The following ARHGAP39 variants were observed in gnomAD, a reference collection of about 807,000 sequenced individuals.
The protein encoded by ARHGAP39 is rho GTPase-activating protein 39.
A neutral mutation model predicts 106.9 loss-of-function variants in ARHGAP39; 44 were observed. The ratio of observed to expected loss-of-function variants is 0.41; its 90% CI spans 0.32 to 0.53. ARHGAP39 has a LOEUF of 0.53. Among genes scored for constraint, ARHGAP39 ranks in the 20% least tolerant of loss-of-function variants. The pLI, the probability that ARHGAP39 is intolerant of heterozygous loss-of-function variation, is 0.21. For missense variants in ARHGAP39, 1,496 were observed against 1,577.3 expected, an observed-to-expected ratio of 0.95 and a Z score of 0.87; for synonymous variants, 768 against 693.2, an observed-to-expected ratio of 1.11 and a Z score of -1.69.
intron 1 of ARHGAP39, among the ~76,000 whole-genome samples, chr8:144,606,532 T>C (rs1820296875): frequency 6.6e-6 from 1 of 152,196 alleles, no homozygotes; most frequent in African/African-American, 2.4e-5. Flanking sequence ...GCATACAAAA[T>C]GCACGTGAAT....
chr8:144,572,015 T>C (rs1439399505), intron 3 of ARHGAP39, among the ~76,000 whole-genome samples: 1 of 152,232 alleles, frequency 6.6e-6, no homozygotes, highest in Non-Finnish European at 1.5e-5. Flanking sequence ...TCCATGCTCA[T>C]GGATAGGAAG....
chr8:144,681,443 C>T (rs939591702), intron 1 of ARHGAP39, among the ~76,000 whole-genome samples: 5 of 152,134 alleles, frequency 3.3e-5, no homozygotes, highest in Admixed American at 6.5e-5. Context: ...AACTGTGAGA[C>T]GGATCGCATA....
chr8:144,630,180 G>A (rs1821026231), intron 1 of ARHGAP39, among the ~76,000 whole-genome samples: 2 of 152,186 alleles, frequency 1.3e-5, no homozygotes, highest in Admixed American at 1.3e-4. Flanking sequence ...CCCAGCCCCA[G>A]CTAGGCCCCC....
At chr8:144,674,462 T>C (rs1379654616) in intron 1 of ARHGAP39, among the ~76,000 whole-genome samples, 1 of 152,206 alleles carries the variant, frequency 6.6e-6, no homozygotes, top group Non-Finnish European at 1.5e-5. Flanking sequence ...AGGGTTTTTA[T>C]GGGCTTCAGA....
chr8:144,547,948 C>A lies in ARHGAP39; in HGVS notation c.1138G>T (p.Glu380Ter). The change falls in exon 5 of 12, where the codon GAG (glutamate) becomes TAG (stop). Residue 380 changes from glutamate (E) to a stop codon, truncating the protein, a stop_gained. Transcript: ENST00000377307. LOFTEE classifies it high-confidence loss of function. This position sits in a 1 kb window ranked among gnomAD's most constrained non-coding sequence, Gnocchi z 5.2. ...CTGTACTCCAGGCTCAGGAAGCGCTCGGGACACTTCTGCTTGGTGAGCACC... is the reference window on the plus strand; with the variant it reads ...CTGTACTCCAGGCTCAGGAAGCGCTAGGGACACTTCTGCTTGGTGAGCACC... ...QLVLTKQKCP[E>*]RFLSLEYSPA... 6.3e-7 allele frequency: 1 copy of A among 1,598,722 alleles called. No individual in the cohort carries two copies. The highest frequency in any genetic ancestry group is 2.3e-5 in the East Asian group (1 of 44,048).
In ARHGAP39 at chr8:144,646,856, C is replaced by T. The variant is rs953234687; in HGVS notation, c.-82+38830G>A. ...ACCACACTTGCTGCAGACGAGGGTC[C>T]GGGACCAGACACGCCCAGAGGGCCC... On this transcript the variant is annotated intron_variant, in intron 1 of 11. Coordinates refer to ENST00000377307, the MANE Select transcript of ARHGAP39 (RefSeq NM_025251.3). The surrounding 1 kb of genome is among the most constrained non-coding windows in gnomAD (Gnocchi z 5.7). Among the ~76,000 whole-genome samples the T allele has an allele frequency of 4.6e-5, 7 of 152,104 alleles. No homozygotes were observed. Among genetic ancestry groups the T allele is most frequent in the South Asian group, 4.1e-4 (2 of 4,824 alleles).
Position 144,651,572 on chromosome 8 carries a change from A to G in ARHGAP39, c.-82+34114T>C, listed in dbSNP as rs568232552. The stretch of plus-strand genomic sequence containing the variant: ...TCAAAAATTAGCTGGGCATGGTAGC[A>G]CACACCTGTAATCTCAGCTACTTGG... On this transcript the variant is annotated intron_variant, in intron 1 of 11. Coordinates refer to ENST00000377307, the MANE Select transcript of ARHGAP39 (RefSeq NM_025251.3). Among the ~76,000 whole-genome samples, 5 of 152,078 alleles carry G rather than the reference A, an allele frequency of 3.3e-5. No homozygotes were observed. In the South Asian group the frequency reaches 1.0e-3, roughly 32 times the overall value.
At chr8:144,630,200 T>C (rs79136639) in intron 1 of ARHGAP39, among the ~76,000 whole-genome samples, 12,488 of 152,000 alleles carry the variant, frequency 0.082, 1,091 homozygotes, top group East Asian at 0.24. Context: ...CACCCGGCAC[T>C]GTCCAGCTCC....
rs1819166425 is a variant in ARHGAP39, at chr8:144,585,849, T to C, written c.81-4572A>G. On this transcript the variant is annotated intron_variant, in intron 2 of 11. Transcript: ENST00000377307. The surrounding 1 kb of genome is among the most constrained non-coding windows in gnomAD (Gnocchi z 4.6). ...TCACACAAATAAAAATGGCAACTGTTGAAAGGGGCTGGACGGGTGCCCTGC... is the reference window on the plus strand; with the variant it reads ...TCACACAAATAAAAATGGCAACTGTCGAAAGGGGCTGGACGGGTGCCCTGC... 6.6e-6 allele frequency among the ~76,000 whole-genome samples: 1 copy of C among 152,188 alleles called. No homozygotes were observed. Among genetic ancestry groups the C allele is most frequent in the Non-Finnish European group, 1.5e-5 (1 of 68,020 alleles).
chr8:144,568,333 CAAAA>C (rs34670018), intron 3 of ARHGAP39, among the ~76,000 whole-genome samples: 39 of 47,296 alleles, frequency 8.2e-4, no homozygotes, highest in African/African-American at 3.5e-3. Flanking sequence ...GACTCTGTCT[CAAAA>C]AAAAAAAAAA....
intron 1 of ARHGAP39, among the ~76,000 whole-genome samples, chr8:144,678,737 G>C (rs1373132475): frequency 1.3e-5 from 2 of 152,228 alleles, no homozygotes; most frequent in African/African-American, 4.8e-5. Context: ...TCCCCTCCTA[G>C]TTGGGACAAC....
At chr8:144,637,309 A>T (rs1365795447) in intron 1 of ARHGAP39, among the ~76,000 whole-genome samples, 2 of 151,860 alleles carry the variant, frequency 1.3e-5, no homozygotes, top group Admixed American at 1.3e-4. Context: ...TTTCTTTTGA[A>T]CCCTACAAAG....
chr8:144,610,478 G>A (rs551310732), intron 1 of ARHGAP39, among the ~76,000 whole-genome samples: 6 of 152,140 alleles, frequency 3.9e-5, no homozygotes, highest in Admixed American at 6.5e-5. Flanking sequence ...TTGGGAGGCC[G>A]AGGTGGGTGG....
chr8:144,550,545 G>C lies in ARHGAP39; in HGVS notation c.597-2056C>G, dbSNP rs565124288. On this transcript the variant is annotated intron_variant, in intron 4 of 11. Coordinates refer to ENST00000377307, the MANE Select transcript of ARHGAP39 (RefSeq NM_025251.3). ...ACAAGGCCACATTCCCCATTGCCTGGGGGGTTGGTGAGGCAAGGCCAGGAA... is the reference window on the plus strand; with the variant it reads ...ACAAGGCCACATTCCCCATTGCCTGCGGGGTTGGTGAGGCAAGGCCAGGAA... Among the ~76,000 whole-genome samples, 11 of 152,364 alleles carry C rather than the reference G, an allele frequency of 7.2e-5. No individual in the cohort carries two copies. The South Asian group carries it at 2.3e-3, about 32-fold the overall frequency.
intron 1 of ARHGAP39, among the ~76,000 whole-genome samples, chr8:144,618,772 G>A (rs1454901495): frequency 1.3e-5 from 2 of 152,230 alleles, no homozygotes; most frequent in African/African-American, 4.8e-5. Flanking sequence ...GGCTTCCTGG[G>A]AGCAAGTCCT....
chr8:144,654,829 G>T (rs1039052782), intron 1 of ARHGAP39, among the ~76,000 whole-genome samples: 8 of 151,858 alleles, frequency 5.3e-5, no homozygotes, highest in Non-Finnish European at 1.5e-5. Context: ...TTCTTGGGTG[G>T]CTGGGAGCAG....
At chr8:144,630,834 GAAGT>G (rs770026931) in intron 1 of ARHGAP39, among the ~76,000 whole-genome samples, 1 of 152,276 alleles carries the variant, frequency 6.6e-6, no homozygotes, top group Non-Finnish European at 1.5e-5. Context: ...AGAACTGTGA[GAAGT>G]AAGTTTCTGT....
At chr8:144,617,455 G>A (rs916482626) in intron 1 of ARHGAP39, among the ~76,000 whole-genome samples, 6 of 151,280 alleles carry the variant, frequency 4.0e-5, no homozygotes, top group African/African-American at 7.3e-5. Context: ...ACCCAGCGCC[G>A]CAAACCAGGA....
intron 1 of ARHGAP39, among the ~76,000 whole-genome samples, chr8:144,664,799 T>C (rs911167883): frequency 6.6e-6 from 1 of 152,224 alleles, no homozygotes; most frequent in African/African-American, 2.4e-5. Context: ...CCCAACCATG[T>C]GGAACTGTAA....
Sources: gnomAD v4.1 joint callset for allele counts (sites outside exome capture counted in the v4.1 genomes callset) on GRCh38, gnomAD v4.1.1 for gene constraint, Gnocchi (gnomAD v3.1) non-coding constraint, MANE v1.5 for transcripts, NCBI Gene and HGNC (gene_info 2026-07-23, HGNC 2026-07-21) for gene names.